Variants in RTL4 observed in about 807,000 individuals in gnomAD.
The protein encoded by RTL4 is retrotransposon Gag like 4.
In RTL4, 4 loss-of-function variants were observed where a neutral mutation model predicts 5.3. That is an observed-to-expected ratio of 0.75 (90% CI 0.37 to 1.72). The LOEUF (loss-of-function observed/expected upper bound fraction) is 1.72. Among genes scored for constraint, RTL4 ranks in the 40% most tolerant of loss-of-function variants. RTL4 has a pLI of 0.04. For synonymous variants in RTL4, 98 were observed against 87.3 expected, an observed-to-expected ratio of 1.12 and a Z score of -0.68; for missense variants, 260 against 227.1, an observed-to-expected ratio of 1.14 and a Z score of -0.93.
the RTL4 span, among the ~76,000 whole-genome samples, chrX:112,098,134 G>A: frequency 6.5e-5 from 4 of 61,356 alleles, no homozygotes; most frequent in African/African-American, 2.1e-4. Flanking sequence ...AACAGGCCCC[G>A]GTGTGTGATG....
At chrX:112,325,122 A>G in the RTL4 span, among the ~76,000 whole-genome samples, 2 of 111,638 alleles carry the variant, frequency 1.8e-5, no homozygotes, top group East Asian at 5.7e-4. Context: ...AAGGAGAACT[A>G]CAAACCGCTG....
the RTL4 span, among the ~76,000 whole-genome samples, chrX:112,258,058 A>G: frequency 9.1e-6 from 1 of 109,724 alleles, no homozygotes; most frequent in South Asian, 3.9e-4. Flanking sequence ...TCTTCTAACA[A>G]TAATTGAAGG....
chrX:112,327,828 C>A, the RTL4 span, among the ~76,000 whole-genome samples: 4 of 111,588 alleles, frequency 3.6e-5, no homozygotes, highest in Non-Finnish European at 5.7e-5. Flanking sequence ...CTCTACAAGC[C>A]AGAAGAGAGT....
chrX:112,100,531 G>A, the RTL4 span, among the ~76,000 whole-genome samples: 18 of 111,752 alleles, frequency 1.6e-4, no homozygotes, highest in African/African-American at 5.2e-4. Context: ...CCTAATTGGA[G>A]ACATTATCAT....
the RTL4 span, among the ~76,000 whole-genome samples, chrX:112,145,282 T>C: frequency 1.3e-4 from 15 of 111,703 alleles, no homozygotes; most frequent in African/African-American, 3.6e-4. Context: ...CATTTTGCCA[T>C]GAAAAGAATA....
the RTL4 span, among the ~76,000 whole-genome samples, chrX:112,346,315 GC>G: frequency 9.0e-6 from 1 of 111,078 alleles, no homozygotes; most frequent in Non-Finnish European, 1.9e-5. Flanking sequence ...TCCTTCTATG[GC>G]CCAGCATGCA....
chrX:112,246,771 G>T, the RTL4 span, among the ~76,000 whole-genome samples: 1 of 111,274 alleles, frequency 9.0e-6, no homozygotes, highest in African/African-American at 3.3e-5. Flanking sequence ...TACCTCAGCT[G>T]GAAATGCAGA....
the RTL4 span, among the ~76,000 whole-genome samples, chrX:112,238,642 A>C: frequency 2.7e-5 from 3 of 111,725 alleles, no homozygotes; most frequent in Admixed American, 1.9e-4. Flanking sequence ...AAGAAAGCAG[A>C]CTGCCTTAGG....
chrX:112,274,312 G>A, the RTL4 span, among the ~76,000 whole-genome samples: 1 of 111,801 alleles, frequency 8.9e-6, no homozygotes, highest in East Asian at 2.8e-4. Flanking sequence ...AAATTTCAGG[G>A]GAGGATGTCT....
At chrX:112,170,285 A>G in the RTL4 span, among the ~76,000 whole-genome samples, 2 of 111,854 alleles carry the variant, frequency 1.8e-5, no homozygotes, top group African/African-American at 6.5e-5. Context: ...GTTTTTTTCT[A>G]AATCTGTGAA....
At chrX:112,310,421 A>G in the RTL4 span, among the ~76,000 whole-genome samples, 9 of 18,224 alleles carry the variant, frequency 4.9e-4, no homozygotes, top group South Asian at 3.4e-3. Context: ...TATATTTAAT[A>G]TAATATACGT....
exon 1 of RTL4, chrX:112,456,956 G>A (rs1926855638): frequency 8.1e-6 from 1 of 123,230 alleles, no homozygotes; most frequent in Non-Finnish European, 1.9e-5. Flanking sequence ...ATGCTAGAAA[G>A]GCAAAACTCC....
the RTL4 span, among the ~76,000 whole-genome samples, chrX:112,218,501 G>A: frequency 9.0e-6 from 1 of 111,636 alleles, no homozygotes; most frequent in East Asian, 2.8e-4. Context: ...CTGGCAACTG[G>A]CATTCCCATT....
At chrX:112,156,739 T>G in the RTL4 span, among the ~76,000 whole-genome samples, 1 of 111,658 alleles carries the variant, frequency 9.0e-6, no homozygotes, top group Non-Finnish European at 1.9e-5. Flanking sequence ...TGTATAAAGC[T>G]GTATACCAAG....
At chrX:112,372,908 T>C in the RTL4 span, among the ~76,000 whole-genome samples, 316 of 111,711 alleles carry the variant, frequency 2.8e-3, 1 homozygote, top group African/African-American at 9.9e-3. Context: ...GATGAAAAAG[T>C]TCTATGTTGT....
the RTL4 span, among the ~76,000 whole-genome samples, chrX:112,230,289 G>A: frequency 8.9e-6 from 1 of 112,457 alleles, no homozygotes; most frequent in African/African-American, 3.2e-5. Flanking sequence ...TGCTGTGCTA[G>A]CAGTGAGTGA....
the RTL4 span, among the ~76,000 whole-genome samples, chrX:112,421,030 G>T: frequency 1.2e-4 from 13 of 110,609 alleles, no homozygotes; most frequent in African/African-American, 4.3e-4. Context: ...TTCCCTTTTT[G>T]TATTCCTGTT....
At chrX:112,305,610 C>T in the RTL4 span, among the ~76,000 whole-genome samples, 31 of 111,111 alleles carry the variant, frequency 2.8e-4, no homozygotes, top group Non-Finnish European at 5.5e-4. Flanking sequence ...GTGATCTGCC[C>T]GTCTCGGCCT....
the RTL4 span, among the ~76,000 whole-genome samples, chrX:112,187,664 A>T: frequency 3.1e-3 from 342 of 111,846 alleles, 1 homozygote; most frequent in Middle Eastern, 4.6e-3. Context: ...GTAACTAAGG[A>T]CAAACCTACC....
Sources: gnomAD v4.1 joint callset for allele counts (sites outside exome capture counted in the v4.1 genomes callset) on GRCh38, gnomAD v4.1.1 for gene constraint, MANE v1.5 for transcripts, NCBI Gene and HGNC (gene_info 2026-07-23, HGNC 2026-07-21) for gene names.